PTTG1IP2: variants seen among roughly 807,000 people sequenced by gnomAD.
PTTG1IP2 encodes PTTG1IP family member 2.
intron 2 of PTTG1IP2, 103 bp from the exon 3 acceptor site, chr7:90,487,224 G>C (rs920952701): frequency 2.6e-5 from 4 of 152,404 alleles, no homozygotes; most frequent in African/African-American, 9.7e-5. Flanking sequence ...TAATAATAAT[G>C]GTTATTATTT....
At chr7:90,501,213 C>T (rs1031752762) in intron 6 of PTTG1IP2, among the ~76,000 whole-genome samples, 1 of 152,078 alleles carries the variant, frequency 6.6e-6, no homozygotes, top group East Asian at 1.9e-4. Context: ...GAGATACAGG[C>T]AGGTTTGGTT....
At chr7:90,484,750 A>C (rs1797849860) in intron 2 of PTTG1IP2, among the ~76,000 whole-genome samples, 1 of 152,202 alleles carries the variant, frequency 6.6e-6, no homozygotes, top group Non-Finnish European at 1.5e-5. Flanking sequence ...TCATTGGCTT[A>C]CAATATTGGG....
At position 90,507,773 on chromosome 7, in the gene PTTG1IP2, C is replaced by A. The variant is rs927250255; in HGVS notation, c.*51-5505C>A. Among the ~76,000 whole-genome samples the A allele has an allele frequency of 3.9e-5, 6 of 152,122 alleles. No homozygotes were observed. The South Asian group carries it at 1.2e-3, about 32-fold the overall frequency. ...TGTAATTTAAATACCATGTATAAAG[C>A]ACTTTTTATAGTACCTGACACATAG... On this transcript the variant is annotated intron_variant, in intron 6 of 6. Coordinates refer to ENST00000509356, the MANE Select transcript of PTTG1IP2 (RefSeq NM_001365443.2).
In PTTG1IP2 at chr7:90,511,503, T is replaced by A. The variant is rs776131458; in HGVS notation, c.*51-1775T>A. ...CACAGTTAATATCTCTTTTTCCGTA[T>A]GGTTGGTCTCACCATTTTCTTTCTG... On this transcript the variant is annotated intron_variant, in intron 6 of 6. Transcript: ENST00000509356. Among the ~76,000 whole-genome samples the A allele has an allele frequency of 9.8e-5, 15 of 152,342 alleles. No individual in the cohort carries two copies. In the South Asian group the frequency reaches 1.4e-3, roughly 15 times the overall value.
At chr7:90,488,739 T>C (rs1445664880) in intron 3 of PTTG1IP2, 132 bp from the exon 4 acceptor site, 1 of 152,084 alleles carries the variant, frequency 6.6e-6, no homozygotes, top group Non-Finnish European at 1.5e-5. Flanking sequence ...ATATGTAATG[T>C]ATGTTATTGT....
intron 2 of PTTG1IP2, among the ~76,000 whole-genome samples, chr7:90,486,615 G>A (rs1266954332): frequency 6.6e-6 from 1 of 152,032 alleles, no homozygotes; most frequent in Non-Finnish European, 1.5e-5. Flanking sequence ...TGTGGGGAGA[G>A]GGGTGAGGTA....
At position 90,503,220 on chromosome 7, in the gene PTTG1IP2, C is replaced by T. The variant is rs117350242; in HGVS notation, c.*50+8790C>T. ...TCTTCTGCAGCTTCCTTACCTCTCT[C>T]AGCCTTCATAGAATTGAAGAGAGTT... On this transcript the variant is annotated intron_variant, in intron 6 of 6. Transcript: ENST00000509356. Among the ~76,000 whole-genome samples, 1,208 of 152,332 alleles carry T rather than the reference C, an allele frequency of 7.9e-3. 10 individuals carry two copies. The highest frequency in any genetic ancestry group is 0.014 in the Admixed American group (213 of 15,296).
intron 4 of PTTG1IP2, among the ~76,000 whole-genome samples, chr7:90,489,834 A>G (rs953531579): frequency 6.6e-6 from 1 of 151,866 alleles, no homozygotes; most frequent in African/African-American, 2.4e-5. Flanking sequence ...CTCTTTTCTT[A>G]CTCTTTATTT....
chr7:90,507,581 G>T (rs897282899), intron 6 of PTTG1IP2, among the ~76,000 whole-genome samples: 1 of 152,158 alleles, frequency 6.6e-6, no homozygotes, highest in African/African-American at 2.4e-5. Context: ...GAAGGAGCCA[G>T]GCAAGATAGG....
At chr7:90,512,396 A>T (rs929735585) in intron 6 of PTTG1IP2, among the ~76,000 whole-genome samples, 1 of 152,146 alleles carries the variant, frequency 6.6e-6, no homozygotes, top group African/African-American at 2.4e-5. Flanking sequence ...TTATTGAAGG[A>T]GTAGGGTTTC....
chr7:90,509,355 A>G (rs1292621987), intron 6 of PTTG1IP2, among the ~76,000 whole-genome samples: 2 of 152,172 alleles, frequency 1.3e-5, no homozygotes, highest in African/African-American at 2.4e-5. Context: ...ATGACATTCA[A>G]GTTAGAATTG....
At chr7:90,482,502 A>G (rs1797823701) in intron 2 of PTTG1IP2, among the ~76,000 whole-genome samples, 1 of 138,786 alleles carries the variant, frequency 7.2e-6, no homozygotes, top group Non-Finnish European at 1.5e-5. Flanking sequence ...AATCACATTT[A>G]CAACCCCCCC....
chr7:90,478,409 C>G (rs1029419548), intron 1 of PTTG1IP2, among the ~76,000 whole-genome samples: 4 of 152,126 alleles, frequency 2.6e-5, no homozygotes, highest in African/African-American at 9.7e-5. Context: ...ATGGGTATTT[C>G]AAGGATACTT....
rs536536342 is a variant in PTTG1IP2 at position 90,470,914 on chromosome 7, A to C, written c.145+983A>C. On this transcript the variant is annotated intron_variant, in intron 1 of 6. Coordinates refer to ENST00000509356, the MANE Select transcript of PTTG1IP2 (RefSeq NM_001365443.2). ...TTGTTCCCTAGCAAACTGGACTCAT[A>C]CCGGAAATTTTTCACGTCTTAAGAC... Among the ~76,000 whole-genome samples, 4 of 151,276 alleles carry C rather than the reference A, an allele frequency of 2.6e-5. No homozygotes were observed. The South Asian group carries it at 8.4e-4, about 32-fold the overall frequency.
At chr7:90,480,227 A>G (rs1389570495) in intron 2 of PTTG1IP2, among the ~76,000 whole-genome samples, 1 of 151,374 alleles carries the variant, frequency 6.6e-6, no homozygotes, top group Non-Finnish European at 1.5e-5. Flanking sequence ...TTACATTCTC[A>G]CTCCCTTATA....
intron 6 of PTTG1IP2, among the ~76,000 whole-genome samples, chr7:90,496,524 CT>C (rs997630294): frequency 6.1e-4 from 92 of 152,048 alleles, no homozygotes; most frequent in African/African-American, 2.2e-3. Flanking sequence ...AAGTCTCTCT[CT>C]TTTTTTGTAG....
intron 1 of PTTG1IP2, among the ~76,000 whole-genome samples, chr7:90,474,068 T>C (rs757724424): frequency 6.6e-6 from 1 of 152,190 alleles, no homozygotes; most frequent in Non-Finnish European, 1.5e-5. Flanking sequence ...GTGAATGTCA[T>C]AGAGTGTACT....
At chr7:90,478,820 G>A (rs998040462) in intron 1 of PTTG1IP2, among the ~76,000 whole-genome samples, 5 of 147,588 alleles carry the variant, frequency 3.4e-5, no homozygotes. Flanking sequence ...AAAAAAGATA[G>A]GGAATTAATT....
intron 2 of PTTG1IP2, among the ~76,000 whole-genome samples, chr7:90,480,949 T>C (rs895693277): frequency 6.6e-6 from 1 of 152,246 alleles, no homozygotes; most frequent in Non-Finnish European, 1.5e-5. Flanking sequence ...TTTGGACTTT[T>C]ATCATGTTCC....
Sources: gnomAD v4.1 joint callset for allele counts (sites outside exome capture counted in the v4.1 genomes callset) on GRCh38, gnomAD v4.1.1 for gene constraint, MANE v1.5 for transcripts, NCBI Gene and HGNC (gene_info 2026-07-23, HGNC 2026-07-21) for gene names.